Variants in NCOA2 observed in about 807,000 individuals in gnomAD.
The protein encoded by NCOA2 is nuclear receptor coactivator 2.
In NCOA2, 21 loss-of-function variants were observed where a neutral mutation model predicts 145.1. The ratio of observed to expected loss-of-function variants is 0.14; its 90% confidence interval spans 0.10 to 0.21. The LOEUF (loss-of-function observed/expected upper bound fraction) is 0.21. NCOA2 is among the 10% of genes least tolerant of loss of function. The pLI, the probability that NCOA2 is intolerant of heterozygous loss-of-function variation, is 1.00. For synonymous variants in NCOA2, 619 were observed against 637.5 expected (o/e 0.97, Z 0.44); for missense variants, 1,472 against 1,837.6 (o/e 0.80, Z 3.64).
intron 1 of NCOA2, among the ~76,000 whole-genome samples, chr8:70,392,754 T>C (rs1813320230): frequency 6.6e-6 from 1 of 152,374 alleles, no homozygotes; most frequent in African/African-American, 2.4e-5. Flanking sequence ...AAACTGATAC[T>C]ATTAATCCCT....
chr8:70,273,774 AATG>A, intron 2 of NCOA2: 13 of 591,928 alleles, frequency 2.2e-5, no homozygotes, highest in Middle Eastern at 5.1e-4. Context: ...TACTGGAGAG[AATG>A]ATGATGATGA....
chr8:70,257,894 G>GA (rs200794884), intron 2 of NCOA2, among the ~76,000 whole-genome samples: 2,018 of 150,210 alleles, frequency 0.013, 50 homozygotes, highest in African/African-American at 0.047. Context: ...AAAAAAAAAA[G>GA]AAAGATGAGC....
At chr8:70,216,226 A>C (rs964285229) in intron 3 of NCOA2, among the ~76,000 whole-genome samples, 2 of 152,182 alleles carry the variant, frequency 1.3e-5, no homozygotes, top group Non-Finnish European at 2.9e-5. Context: ...ATTTGCTTTA[A>C]AATTCTTTGT....
chr8:70,228,477 G>A (rs1342184769), intron 2 of NCOA2, among the ~76,000 whole-genome samples: 3 of 152,152 alleles, frequency 2.0e-5, no homozygotes, highest in African/African-American at 7.2e-5. Flanking sequence ...GAATTATTAC[G>A]CTTTGTGGAA....
chr8:70,341,090 A>AAAAAAAG (rs1808100019), intron 1 of NCOA2, among the ~76,000 whole-genome samples: 1 of 150,312 alleles, frequency 6.7e-6, no homozygotes, highest in African/African-American at 2.4e-5. Flanking sequence ...TTGAAAAAAA[A>AAAAAAAG]AAAAAAAGAA....
intron 1 of NCOA2, among the ~76,000 whole-genome samples, chr8:70,378,837 A>G (rs1811921677): frequency 6.6e-6 from 1 of 152,060 alleles, no homozygotes; most frequent in African/African-American, 2.4e-5. Flanking sequence ...AATTGTGAAC[A>G]CATATACAAC....
At chr8:70,449,837 C>T in the NCOA2 span, among the ~76,000 whole-genome samples, 1 of 152,206 alleles carries the variant, frequency 6.6e-6, no homozygotes, top group South Asian at 2.1e-4. Flanking sequence ...TATTAGAAAG[C>T]ATCGATGTCA....
chr8:70,438,182 T>TC, the NCOA2 span, among the ~76,000 whole-genome samples: 2 of 152,250 alleles, frequency 1.3e-5, no homozygotes, highest in African/African-American at 2.4e-5. Context: ...CAATTTAGGA[T>TC]TTAAAAATCA....
chr8:70,304,505 C>T (rs966639907), intron 1 of NCOA2, among the ~76,000 whole-genome samples: 6 of 151,508 alleles, frequency 4.0e-5, no homozygotes, highest in Non-Finnish European at 8.8e-5. Flanking sequence ...CTTGCACTGT[C>T]GCCCAGGCTG....
At chr8:70,285,312 G>C (rs17677348) in intron 2 of NCOA2, among the ~76,000 whole-genome samples, 57,705 of 152,044 alleles carry the variant, frequency 0.38, 13,507 homozygotes, top group East Asian at 0.69. Flanking sequence ...AATTTACTAT[G>C]TAGTTAGACA....
At chr8:70,297,511 T>C (rs1827179656) in intron 1 of NCOA2, among the ~76,000 whole-genome samples, 1 of 152,130 alleles carries the variant, frequency 6.6e-6, no homozygotes. Context: ...TCTTTTATTT[T>C]TTGTAGTGGT....
intron 13 of NCOA2, among the ~76,000 whole-genome samples, chr8:70,144,121 T>C (rs1304259685): frequency 1.3e-5 from 2 of 152,208 alleles, no homozygotes; most frequent in Non-Finnish European, 2.9e-5. Flanking sequence ...ACTTCCTACA[T>C]CTTCAAAAGG....
chr8:70,405,245 TA>T (rs954738563), upstream of NCOA2, among the ~76,000 whole-genome samples: 31 of 151,640 alleles, frequency 2.0e-4, no homozygotes, highest in East Asian at 9.6e-4. Flanking sequence ...GGGAAAAGAA[TA>T]AAAAAAATGT....
At chr8:70,318,086 T>C (rs890777529) in intron 1 of NCOA2, among the ~76,000 whole-genome samples, 3 of 152,184 alleles carry the variant, frequency 2.0e-5, no homozygotes, top group African/African-American at 4.8e-5. Flanking sequence ...CAAAGGAACA[T>C]TGGGAAAGTC....
chr8:70,288,544 G>T (rs1826417168), intron 2 of NCOA2, among the ~76,000 whole-genome samples: 1 of 151,400 alleles, frequency 6.6e-6, no homozygotes, highest in South Asian at 2.1e-4. Flanking sequence ...TTGCGCCACT[G>T]CACTCTAGCC....
intron 1 of NCOA2, among the ~76,000 whole-genome samples, chr8:70,327,851 A>G (rs1423795039): frequency 6.6e-6 from 1 of 152,196 alleles, no homozygotes; most frequent in African/African-American, 2.4e-5. Context: ...ACCTACCAAG[A>G]GCTTCCAACA....
At chr8:70,249,322 A>C (rs1290915156) in intron 2 of NCOA2, among the ~76,000 whole-genome samples, 1 of 152,158 alleles carries the variant, frequency 6.6e-6, no homozygotes, top group Non-Finnish European at 1.5e-5. Flanking sequence ...CTTTTTCCTT[A>C]AAAAGGTGAT....
At chr8:70,286,954 G>T (rs569140473) in intron 2 of NCOA2, among the ~76,000 whole-genome samples, 40 of 152,162 alleles carry the variant, frequency 2.6e-4, no homozygotes, top group African/African-American at 9.4e-4. Flanking sequence ...TAAATTAAGG[G>T]TTTTTTGGCC....
intron 1 of NCOA2, among the ~76,000 whole-genome samples, chr8:70,363,713 G>T (rs1810422426): frequency 6.6e-6 from 1 of 152,136 alleles, no homozygotes; most frequent in South Asian, 2.1e-4. Context: ...GAGAAAAACA[G>T]ATCAGTGGTT....
Sources: gnomAD v4.1 joint callset for allele counts (sites outside exome capture counted in the v4.1 genomes callset) on GRCh38, gnomAD v4.1.1 for gene constraint, MANE v1.5 for transcripts, NCBI Gene and HGNC (gene_info 2026-07-23, HGNC 2026-07-21) for gene names.